Variants in ROBO2 observed in about 807,000 individuals in gnomAD.
ROBO2 encodes roundabout guidance receptor 2.
A neutral mutation model predicts 160.8 loss-of-function variants in ROBO2; 53 were observed. That is an observed-to-expected ratio of 0.33 (90% CI 0.26 to 0.41). The LOEUF (loss-of-function observed/expected upper bound fraction) is 0.41, where lower values mean the gene tolerates loss of function less well. ROBO2 is among the 10% of genes least tolerant of loss of function. The probability of loss-of-function intolerance (pLI) is 1.00; values close to 1 mark genes in which losing one functional copy is unlikely to be tolerated. For missense variants in ROBO2, 1,577 were observed against 1,722.4 expected (o/e 0.92, Z 1.49); for synonymous variants, 664 against 611.7 (o/e 1.09, Z -1.26).
At chr3:76,268,904 T>TA (rs1707258480) in intron 2 of ROBO2, among the ~76,000 whole-genome samples, 1 of 152,138 alleles carries the variant, frequency 6.6e-6, no homozygotes. Context: ...CACCTATACT[T>TA]AGACTCTTAC....
intron 2 of ROBO2, among the ~76,000 whole-genome samples, chr3:76,542,317 A>G (rs944221447): frequency 6.6e-6 from 1 of 152,074 alleles, no homozygotes; most frequent in African/African-American, 2.4e-5. Context: ...AATATATGGG[A>G]ATATGGTGAA....
In ROBO2 at chr3:76,404,088, C is replaced by T. The variant is rs563038022; in HGVS notation, c.109+466486C>T. On this transcript the variant is annotated intron_variant, in intron 2 of 26. Coordinates refer to the ROBO2 transcript ENST00000487694. ...ACAAAGTTTGTATCTCTTATTGATA[C>T]TTCCACATATGCAATGCTTAATTTG... Among the ~76,000 whole-genome samples, 5 of 151,706 alleles carry T rather than the reference C, an allele frequency of 3.3e-5. No individual in the cohort carries two copies. In the East Asian group the frequency reaches 9.7e-4, roughly 30 times the overall value.
chr3:76,374,930 G>A (rs539754536), intron 2 of ROBO2, among the ~76,000 whole-genome samples: 13 of 149,558 alleles, frequency 8.7e-5, no homozygotes, highest in Non-Finnish European at 1.2e-4. Flanking sequence ...ACTATCGTAC[G>A]CTTTCTTCTT....
chr3:76,788,207 A>G (rs2063123424), intron 2 of ROBO2, among the ~76,000 whole-genome samples: 2 of 151,440 alleles, frequency 1.3e-5, no homozygotes, highest in African/African-American at 4.8e-5. Context: ...TATAATAATA[A>G]AAAATAGACT....
chr3:76,788,144 C>T (rs545940702), intron 2 of ROBO2, among the ~76,000 whole-genome samples: 1 of 150,970 alleles, frequency 6.6e-6, no homozygotes, highest in Non-Finnish European at 1.5e-5. Context: ...AAGTATTGGG[C>T]AGAAAGGAGA....
Position 77,050,976 on chromosome 3 carries a change from C to T in ROBO2, c.61+10130C>T, listed in dbSNP as rs150449243. 2.2e-3 allele frequency among the ~76,000 whole-genome samples: 333 copies of T among 151,172 alleles called. 1 individual carries two copies. The highest frequency in any genetic ancestry group is 7.6e-3 in the African/African-American group (312 of 41,168). On this transcript the variant is annotated intron_variant, in intron 1 of 25. Transcript: ENST00000461745. ...AAGGCTGCAGTGAGCTGTGAGTACA[C>T]CACTGCATTCCAGCCAGGGTGACAG...
At chr3:77,032,476 ATTCT>A (rs1443192481) in intron 2 of ROBO2, among the ~76,000 whole-genome samples, 2 of 152,198 alleles carry the variant, frequency 1.3e-5, no homozygotes, top group East Asian at 3.9e-4. Context: ...AGGTATTATT[ATTCT>A]TTATTTTTAT....
At chr3:77,594,121 G>A (rs1327689454) in intron 17 of ROBO2, among the ~76,000 whole-genome samples, 1 of 152,006 alleles carries the variant, frequency 6.6e-6, no homozygotes, top group Non-Finnish European at 1.5e-5. Context: ...TAATTTAATG[G>A]CAAAATTTGA....
chr3:76,020,439 T>A (rs2066541192), intron 2 of ROBO2, among the ~76,000 whole-genome samples: 3 of 151,886 alleles, frequency 2.0e-5, no homozygotes, highest in Non-Finnish European at 4.4e-5. Flanking sequence ...TCGCTTTTAC[T>A]TTTTATCACT....
intron 2 of ROBO2, among the ~76,000 whole-genome samples, chr3:77,165,826 A>G (rs1285736447): frequency 1.3e-5 from 2 of 152,246 alleles, no homozygotes; most frequent in African/African-American, 2.4e-5. Flanking sequence ...AAGAGAACCT[A>G]TCTTCTGACT....
At chr3:76,884,464 A>ACTGTTATGG (rs2073676643) in intron 2 of ROBO2, among the ~76,000 whole-genome samples, 1 of 152,184 alleles carries the variant, frequency 6.6e-6, no homozygotes, top group African/African-American at 2.4e-5. Context: ...CAAACACATT[A>ACTGTTATGG]CTGTTATGGC....
intron 2 of ROBO2, among the ~76,000 whole-genome samples, chr3:76,868,655 T>A (rs1011629308): frequency 2.6e-5 from 4 of 152,102 alleles, no homozygotes; most frequent in African/African-American, 9.7e-5. Context: ...ACATTATGTT[T>A]TACAACAAGT....
intron 2 of ROBO2, among the ~76,000 whole-genome samples, chr3:77,420,668 A>T (rs1181657264): frequency 6.6e-6 from 1 of 152,170 alleles, no homozygotes; most frequent in Non-Finnish European, 1.5e-5. Context: ...CAAACTGGTC[A>T]GATATTCATA....
intron 2 of ROBO2, among the ~76,000 whole-genome samples, chr3:76,898,200 C>T (rs1312172338): frequency 6.6e-6 from 1 of 151,978 alleles, no homozygotes; most frequent in Non-Finnish European, 1.5e-5. Flanking sequence ...TAAAACACTT[C>T]CATAAAAGTT....
At chr3:77,201,721 T>C (rs1285402665) in intron 2 of ROBO2, among the ~76,000 whole-genome samples, 1 of 152,210 alleles carries the variant, frequency 6.6e-6, no homozygotes, top group African/African-American at 2.4e-5. Flanking sequence ...ATATTCATTG[T>C]ATTTGTTGCC....
chr3:76,456,033 A>G (rs1432635255), intron 2 of ROBO2, among the ~76,000 whole-genome samples: 3 of 152,174 alleles, frequency 2.0e-5, no homozygotes, highest in African/African-American at 7.2e-5. Flanking sequence ...TACATGTCTC[A>G]TTAGCATGTT....
intron 2 of ROBO2, among the ~76,000 whole-genome samples, chr3:77,285,306 C>T (rs1043372374): frequency 1.3e-5 from 2 of 151,582 alleles, no homozygotes; most frequent in Non-Finnish European, 2.9e-5. Context: ...ACAAGAAGAA[C>T]GAAATATTAA....
chr3:77,386,482 C>T (rs2074110108), intron 2 of ROBO2, among the ~76,000 whole-genome samples: 1 of 151,782 alleles, frequency 6.6e-6, no homozygotes, highest in African/African-American at 2.4e-5. Context: ...CTTGTAGCAG[C>T]ATTTCTTTGA....
At chr3:76,712,231 T>A (rs1469886519) in intron 2 of ROBO2, among the ~76,000 whole-genome samples, 3 of 152,202 alleles carry the variant, frequency 2.0e-5, no homozygotes, top group African/African-American at 4.8e-5. Flanking sequence ...ATAGATACAA[T>A]CCTTACATAA....
Sources: allele counts gnomAD v4.1 joint callset (sites outside exome capture counted in the v4.1 genomes callset), GRCh38; gene constraint gnomAD v4.1.1; transcripts MANE v1.5; gene names NCBI Gene and HGNC (gene_info 2026-07-23, HGNC 2026-07-21).